The following SPINT2 variants were observed in gnomAD, a reference collection of about 807,000 sequenced individuals.
SPINT2 encodes the protein kunitz-type protease inhibitor 2.
SPINT2 carries 18 observed loss-of-function variants against 30.1 expected under a neutral mutation model. The ratio of observed to expected loss-of-function variants is 0.60; its 90% CI spans 0.41 to 0.89. SPINT2 has a LOEUF of 0.89. Among genes scored for constraint, SPINT2 ranks in the 40% least tolerant of loss-of-function variants. The pLI is 0.00. For synonymous variants in SPINT2, 139 were observed against 137.9 expected, an observed-to-expected ratio of 1.01 and a Z score of -0.05; for missense variants, 276 against 334.3, an observed-to-expected ratio of 0.83 and a Z score of 1.36.
chr19:38,274,947 G>A (rs911919146), intron 1 of SPINT2, among the ~76,000 whole-genome samples: 3 of 152,120 alleles, frequency 2.0e-5, no homozygotes, highest in Admixed American at 2.0e-4. Flanking sequence ...AAATGAGGGC[G>A]GCAGTTGTGA....
At chr19:38,288,408 A>G (rs550415900) in intron 3 of SPINT2, 30 of 295,546 alleles carry the variant, frequency 1.0e-4, no homozygotes, top group Non-Finnish European at 1.7e-4. Context: ...TGTGATCTCA[A>G]GATGTGTGTT....
At position 38,290,453 on chromosome 19, in the gene SPINT2, G is replaced by A; in HGVS notation, c.554-84G>A. The A allele has an allele frequency of 1.2e-6, 2 of 1,610,956 alleles. No homozygotes were observed. Among genetic ancestry groups the A allele is most frequent in the Non-Finnish European group, 1.7e-6 (2 of 1,178,290 alleles). On this transcript the variant is annotated intron_variant, in intron 5 of 6. Coordinates refer to ENST00000301244, the MANE Select transcript of SPINT2 (RefSeq NM_021102.4). The surrounding 1 kb of genome is among the most constrained non-coding windows in gnomAD (Gnocchi z 4.3). ...AGCCCCTCAGAAAGAGCTCCCCATG[G>A]AGGCCCTGGCTGAGGGGATCCCCTG... is the stretch of plus-strand genomic sequence containing the variant.
At chr19:38,288,298 C>T (rs1968667525) in intron 3 of SPINT2, 1 of 389,236 alleles carries the variant, frequency 2.6e-6, no homozygotes, top group Non-Finnish European at 4.9e-6. Context: ...TCTGCCTGTT[C>T]TGTCTCCTCT....
chr19:38,272,365 G>A (rs10048529), intron 1 of SPINT2, among the ~76,000 whole-genome samples: 59,206 of 151,866 alleles, frequency 0.39, 12,362 homozygotes, highest in East Asian at 0.64. Context: ...TGTCTGTGGT[G>A]TTAAAATTTT....
chr19:38,290,788 C>CACCACG lies in SPINT2; in HGVS notation c.592+213_592+214insACCACG, dbSNP rs1968709031. 2 of 701,910 alleles carry CACCACG rather than the reference C, an allele frequency of 2.8e-6. No homozygotes were observed. Among genetic ancestry groups the CACCACG allele is most frequent in the African/African-American group, 3.5e-5 (2 of 56,974 alleles). The allele number at this position is 701,910 out of a possible 1,614,324, so 43.5% of individuals were successfully genotyped here. On this transcript the variant is annotated intron_variant, in intron 6 of 6. Coordinates refer to ENST00000301244, the MANE Select transcript of SPINT2 (RefSeq NM_021102.4). This position sits in a 1 kb window ranked among gnomAD's most constrained non-coding sequence, Gnocchi z 4.3. Reference sequence around the variant, plus strand: ...TGGAGTGAGTCAGTCACAAGGCAGGCCCTGCCCAGGCGGCGTGGGTGACTG... The same window carrying CACCACG: ...TGGAGTGAGTCAGTCACAAGGCAGGCACCACGCCTGCCCAGGCGGCGTGGGTGACTG...
At position 38,283,833 on chromosome 19, in the gene SPINT2, CTTTTTTTTTT is replaced by C. The variant is rs754820019; in HGVS notation, c.277+53_277+62del. The C allele has an allele frequency of 3.7e-3, 3,451 of 938,236 alleles. 1 individual carries two copies. The highest frequency in any genetic ancestry group is 1.0e-2 in the East Asian group (283 of 28,324). 58.1% of individuals were successfully genotyped at this position (938,236 alleles called of 1,614,324 possible). On this transcript the variant is annotated intron_variant, in intron 2 of 6. Transcript: ENST00000301244. ...AGTAGTTGGAGCTTTTGTTTTTTTCCTTTTTTTTTTTTTTTTTTTTTTTTTTGAGACGGAG... is the reference window on the plus strand; with the variant it reads ...AGTAGTTGGAGCTTTTGTTTTTTTCCTTTTTTTTTTTTTTTTGAGACGGAG...
intron 1 of SPINT2, among the ~76,000 whole-genome samples, chr19:38,278,829 G>A (rs556385345): frequency 6.6e-6 from 1 of 152,202 alleles, no homozygotes; most frequent in East Asian, 1.9e-4. Context: ...GGTTTTTGCA[G>A]AACAGTGAAT....
chr19:38,291,813 G>T, intron 6 of SPINT2, 27 bp from the exon 7 acceptor site: 1 of 1,610,646 alleles, frequency 6.2e-7, no homozygotes, highest in Non-Finnish European at 8.5e-7. Flanking sequence ...TGCCTGGCCC[G>T]TCCTGAGGCC....
At chr19:38,271,509 T>C (rs1968456212) in intron 1 of SPINT2, among the ~76,000 whole-genome samples, 1 of 143,650 alleles carries the variant, frequency 7.0e-6, no homozygotes, top group Non-Finnish European at 1.5e-5. Context: ...AAAAATGTTA[T>C]GCTAAGTGAG....
At chr19:38,288,589 C>T (rs2146278394) in intron 3 of SPINT2, 1 of 202,518 alleles carries the variant, frequency 4.9e-6, no homozygotes, top group South Asian at 8.4e-5. Flanking sequence ...GGGGGTACTG[C>T]ACCGCACCCC....
chr19:38,288,028 C>G (rs1467900629), intron 3 of SPINT2, 93 bp downstream of exon 3: 21 of 1,454,864 alleles, frequency 1.4e-5, no homozygotes, highest in Non-Finnish European at 1.8e-5. Flanking sequence ...ACAGGCTTCC[C>G]TCTCATGGTT....
intron 1 of SPINT2, among the ~76,000 whole-genome samples, chr19:38,277,499 C>A (rs1400264155): frequency 6.6e-6 from 1 of 152,140 alleles, no homozygotes; most frequent in Admixed American, 6.6e-5. Flanking sequence ...TGGCCCAGTA[C>A]TATCTTGCTA....
chr19:38,267,857 A>G (rs1968398949), intron 1 of SPINT2, among the ~76,000 whole-genome samples: 1 of 152,066 alleles, frequency 6.6e-6, no homozygotes, highest in South Asian at 2.1e-4. Context: ...TACTCTAATA[A>G]TGGAAGTCTC....
chr19:38,267,972 G>A (rs2146264616), intron 1 of SPINT2, among the ~76,000 whole-genome samples: 1 of 152,226 alleles, frequency 6.6e-6, no homozygotes. Flanking sequence ...TGTGCCCTCA[G>A]GGGAGATTCC....
At chr19:38,285,901 C>G (rs761502934) in intron 2 of SPINT2, among the ~76,000 whole-genome samples, 7 of 152,284 alleles carry the variant, frequency 4.6e-5, no homozygotes, top group Non-Finnish European at 8.8e-5. Flanking sequence ...ATCTGTCCAT[C>G]CTGGCTGTTT....
At chr19:38,288,276 C>T (rs887717938) in intron 3 of SPINT2, 6 of 416,298 alleles carry the variant, frequency 1.4e-5, no homozygotes, top group Admixed American at 1.4e-4. Flanking sequence ...CCACTCCCCA[C>T]CCACCCTCCT....
At position 38,264,746 on chromosome 19, in the gene SPINT2, G is replaced by T; in HGVS notation, c.-147G>T. ...AAGGTCCGGAAAGGCGACTTCCGGG[G>T]GCTTTGGCACCTGGCGGACCCTCCC... On this transcript the variant is annotated 5_prime_UTR_variant, in exon 1 of 7. Transcript: ENST00000301244. 3.8e-6 allele frequency: 3 copies of T among 799,938 alleles called. No individual in the cohort carries two copies. Among genetic ancestry groups the T allele is most frequent in the Non-Finnish European group, 5.9e-6 (3 of 510,352 alleles). 49.6% of individuals were successfully genotyped at this position (799,938 alleles called of 1,614,324 possible).
intron 2 of SPINT2, 124 bp from the exon 3 acceptor site, chr19:38,287,752 T>C (rs546725765): frequency 1.6e-5 from 17 of 1,040,006 alleles, no homozygotes; most frequent in Admixed American, 1.0e-4. Flanking sequence ...GGCATGCACA[T>C]TGAAGGTCCC....
intron 1 of SPINT2, among the ~76,000 whole-genome samples, chr19:38,275,412 C>T (rs956703230): frequency 1.3e-5 from 2 of 151,968 alleles, no homozygotes; most frequent in African/African-American, 4.8e-5. Flanking sequence ...GCAACCTCCG[C>T]CTCCTGAGTT....
Sources: gnomAD v4.1 joint callset for allele counts (sites outside exome capture counted in the v4.1 genomes callset) on GRCh38, gnomAD v4.1.1 for gene constraint, Gnocchi (gnomAD v3.1) non-coding constraint, MANE v1.5 for transcripts, NCBI Gene and HGNC (gene_info 2026-07-23, HGNC 2026-07-21) for gene names.